The following MORC2 variants were observed in gnomAD, a reference collection of about 807,000 sequenced individuals.
MORC2 encodes the protein MORC family CW-type zinc finger 2.
In MORC2, 30 loss-of-function variants were observed where a neutral mutation model predicts 136.0. The observed-to-expected ratio is 0.22, with a 90% CI of 0.17 to 0.30. The LOEUF (loss-of-function observed/expected upper bound fraction) is 0.30. Ranked by LOEUF, MORC2 falls within the 10% of genes least tolerant of loss-of-function variation. The probability of loss-of-function intolerance (pLI) is 1.00; values close to 1 mark genes in which losing one functional copy is unlikely to be tolerated. For synonymous variants in MORC2, 439 were observed against 487.0 expected (o/e 0.90, Z 1.30); for missense variants, 922 against 1,333.1 (o/e 0.69, Z 4.80).
intron 1 of MORC2, among the ~76,000 whole-genome samples, chr22:30,961,578 G>A (rs921839259): frequency 4.6e-5 from 7 of 151,966 alleles, no homozygotes; most frequent in Non-Finnish European, 8.8e-5. Flanking sequence ...TACTTTTAAC[G>A]TAAATCAAGG....
rs2040661863 is a variant in MORC2, at chr22:30,936,924, G to A, written c.1604+8C>T. 2 of 1,609,758 alleles carry A rather than the reference G, an allele frequency of 1.2e-6. No homozygotes were observed. Among genetic ancestry groups the A allele is most frequent in the Non-Finnish European group, 1.7e-6 (2 of 1,176,126 alleles). ...ACCCACAATCCCCTTGTTAGACAAT[G>A]TGCTCACCGGTCCTGTTCAGGATCA... is the stretch of plus-strand genomic sequence containing the variant. On this transcript the variant is annotated splice_region_variant and intron_variant, in intron 16 of 25. Transcript: ENST00000397641.
At chr22:30,945,502 C>G (rs966622405) in intron 6 of MORC2, among the ~76,000 whole-genome samples, 6 of 152,314 alleles carry the variant, frequency 3.9e-5, no homozygotes, top group East Asian at 3.9e-4. Context: ...TCTTAGCCCC[C>G]CTTCTTTCAA....
chr22:30,926,899 TG>T, intron 25 of MORC2, 28 bp from the exon 26 acceptor site: 1 of 1,600,288 alleles, frequency 6.2e-7, no homozygotes, highest in East Asian at 2.2e-5. Context: ...AGGGATCAAC[TG>T]GGGGCCAGAA....
At chr22:30,939,543 G>T in intron 12 of MORC2, 78 bp downstream of exon 12, 3 of 1,421,580 alleles carry the variant, frequency 2.1e-6, no homozygotes, top group Non-Finnish European at 2.9e-6. Context: ...CAGTCTTGGT[G>T]ACAGAATAGC....
intron 21 of MORC2, 107 bp downstream of exon 21, chr22:30,933,359 C>A: frequency 7.9e-7 from 1 of 1,269,856 alleles, no homozygotes; most frequent in East Asian, 2.3e-5. Context: ...AGCCCAGACC[C>A]AGGACAGATT....
intron 1 of MORC2, among the ~76,000 whole-genome samples, chr22:30,959,533 A>T (rs1428628014): frequency 6.6e-6 from 1 of 152,222 alleles, no homozygotes; most frequent in Non-Finnish European, 1.5e-5. Flanking sequence ...CAAAATGCTA[A>T]CAAGTTATAC....
rs779153213 is a variant in MORC2, at chr22:30,940,293, TA to T, written c.905-253del. On this transcript the variant is annotated intron_variant, in intron 10 of 25. Coordinates refer to ENST00000397641, the MANE Select transcript of MORC2 (RefSeq NM_001303256.3). ...CTTTACAAATGAACCAGAACAGGTTTAAAAAAAAAAAAAAAACACCTAAGGC... is the reference window on the plus strand; with the variant it reads ...CTTTACAAATGAACCAGAACAGGTTTAAAAAAAAAAAAAAACACCTAAGGC... 0.027 allele frequency among the ~76,000 whole-genome samples: 3,471 copies of T among 130,126 alleles called. 42 individuals carry two copies. Among genetic ancestry groups the T allele is most frequent in the African/African-American group, 0.05 (1,778 of 35,468 alleles). 85.4% of individuals were successfully genotyped at this position (130,126 alleles called of 152,430 possible).
chr22:30,941,986 G>C lies in MORC2; in HGVS notation c.603C>G (p.Ile201Met). ...CATTATCCATGAGTTTGAGATTGAA[G>C]ATGATCACCAATGTTCCTGAGAAAC... ...IPGDSGTLVI[I>M]FNLKLMDNGE... The change falls in exon 8 of 26, where the codon ATC becomes ATG. Residue 201 changes from isoleucine to methionine, a missense_variant. Ile to Met is a conservative substitution (Grantham distance 10). This residue lies in a region of MORC2 where 261 missense variants were observed against 354.3 expected (regional missense o/e 0.74). Transcript: ENST00000397641. The surrounding 1 kb of genome is among the most constrained non-coding windows in gnomAD (Gnocchi z 4.6). 1 of 1,613,560 alleles carries C rather than the reference G, an allele frequency of 6.2e-7. No individual in the cohort carries two copies. The highest frequency in any genetic ancestry group is 1.1e-5 in the South Asian group (1 of 91,066).
At position 30,932,356 on chromosome 22, in the gene MORC2, C is replaced by T; in HGVS notation, c.2841+3G>A. Reference sequence around the variant, plus strand: ...GTGGAATCGAAGGTCAGGCCAGACTCACCAGAGGAAAAGATATTAGCTCAT... The same window carrying T: ...GTGGAATCGAAGGTCAGGCCAGACTTACCAGAGGAAAAGATATTAGCTCAT... On this transcript the variant is annotated splice_donor_region_variant and intron_variant, in intron 24 of 25. Coordinates refer to ENST00000397641, the MANE Select transcript of MORC2 (RefSeq NM_001303256.3). The surrounding 1 kb of genome is among the most constrained non-coding windows in gnomAD (Gnocchi z 4.4). The T allele has an allele frequency of 1.9e-6, 3 of 1,610,626 alleles. No individual in the cohort carries two copies. The highest frequency in any genetic ancestry group is 2.5e-6 in the Non-Finnish European group (3 of 1,177,230).
chr22:30,926,940 T>TA, intron 25 of MORC2, 69 bp from the exon 26 acceptor site: 1 of 1,337,102 alleles, frequency 7.5e-7, no homozygotes, highest in Non-Finnish European at 1.1e-6. Context: ...TTTCCACCCT[T>TA]CTCTCAGCTC....
intron 1 of MORC2, chr22:30,967,335 G>T (rs1048986344): frequency 1.0e-6 from 1 of 987,464 alleles, no homozygotes; most frequent in East Asian, 1.1e-4. Flanking sequence ...CAATCTGCCA[G>T]GAAGATAATG....
intron 3 of MORC2, among the ~76,000 whole-genome samples, chr22:30,955,344 G>A (rs2040951235): frequency 6.6e-6 from 1 of 152,116 alleles, no homozygotes; most frequent in African/African-American, 2.4e-5. Flanking sequence ...GAGAAAAGAA[G>A]CCTTATTTTT....
At chr22:30,942,308 C>A in intron 6 of MORC2, 37 bp from the exon 7 acceptor site, 1 of 1,581,046 alleles carries the variant, frequency 6.3e-7, no homozygotes, top group South Asian at 1.1e-5. Flanking sequence ...TTAAGGGAAG[C>A]CCCAGAACAG....
At chr22:30,933,939 G>T in intron 20 of MORC2, 121 bp downstream of exon 20, 1 of 1,237,510 alleles carries the variant, frequency 8.1e-7, no homozygotes, top group Non-Finnish European at 1.1e-6. Context: ...GGGGTAGACT[G>T]CTGGTGGGTT....
rs1602477344 is a variant in MORC2 at position 30,932,455 on chromosome 22, A to G, written c.2748-3T>C. Reference sequence around the variant, plus strand: ...GCAGGAAGTACCGTAAACAATTCCTAAAGAAGGCAGGGACAGTAATTCAGA... The same window carrying G: ...GCAGGAAGTACCGTAAACAATTCCTGAAGAAGGCAGGGACAGTAATTCAGA... On this transcript the variant is annotated splice_region_variant and splice_polypyrimidine_tract_variant and intron_variant, in intron 23 of 25. Coordinates refer to ENST00000397641, the MANE Select transcript of MORC2 (RefSeq NM_001303256.3). The surrounding 1 kb of genome is among the most constrained non-coding windows in gnomAD (Gnocchi z 4.4). The G allele has an allele frequency of 5.0e-6, 8 of 1,613,774 alleles. No homozygotes were observed. The highest frequency in any genetic ancestry group is 2.7e-5 in the African/African-American group (2 of 75,050).
intron 3 of MORC2, among the ~76,000 whole-genome samples, chr22:30,954,838 A>T (rs1372255738): frequency 6.6e-6 from 1 of 152,066 alleles, no homozygotes; most frequent in Non-Finnish European, 1.5e-5. Flanking sequence ...GCATCTGTGC[A>T]TTGATTAAAT....
intron 1 of MORC2, among the ~76,000 whole-genome samples, chr22:30,961,566 T>C (rs1009687747): frequency 1.3e-5 from 2 of 152,222 alleles, no homozygotes; most frequent in Non-Finnish European, 2.9e-5. Flanking sequence ...AACATGAGTT[T>C]GTACTTTTAA....
Position 30,946,383 on chromosome 22 carries a change from G to C in MORC2, c.384C>G (p.Leu128=), listed in dbSNP as rs756415523. The C allele has an allele frequency of 6.2e-7, 1 of 1,612,022 alleles. No homozygotes were observed. The highest frequency in any genetic ancestry group is 8.5e-7 in the Non-Finnish European group (1 of 1,179,006). ...CCTCATGAAACGTGCGAGACAGGAA[G>C]AGGCAGGTCATGGTGTCTTCCTTCT... ...FTKKEDTMTC[L]FLSRTFHEEE... is the part of the protein sequence containing the mutation. The change falls in exon 6 of 26, where the codon CTC becomes CTG. Residue 128 remains leucine, a synonymous_variant. Coordinates refer to ENST00000397641, the MANE Select transcript of MORC2 (RefSeq NM_001303256.3).
At position 30,934,656 on chromosome 22, in the gene MORC2, G is replaced by A; in HGVS notation, c.2193+125C>T. 8.9e-6 allele frequency: 12 copies of A among 1,355,508 alleles called. No homozygotes were observed. Among genetic ancestry groups the A allele is most frequent in the Non-Finnish European group, 8.1e-6 (8 of 993,148 alleles). 84.0% of individuals were successfully genotyped at this position (1,355,508 alleles called of 1,614,324 possible). On this transcript the variant is annotated intron_variant, in intron 19 of 25. Transcript: ENST00000397641. The surrounding 1 kb of genome is among the most constrained non-coding windows in gnomAD (Gnocchi z 4.4). ...GCTATCAAGGCTTCCCGTCCTCAGG[G>A]GCAGCAGCAAAGCTTTAGATTCAGT...
Sources: allele counts gnomAD v4.1 joint callset (sites outside exome capture counted in the v4.1 genomes callset), GRCh38; gene constraint gnomAD v4.1.1; regional missense constraint gnomAD v4.1.1; non-coding constraint Gnocchi (gnomAD v3.1); transcripts MANE v1.5; gene names NCBI Gene and HGNC (gene_info 2026-07-23, HGNC 2026-07-21).